The following DGKB variants were observed in gnomAD, a reference collection of about 807,000 sequenced individuals.
The protein encoded by DGKB is 90 kDa diacylglycerol kinase.
DGKB carries 67 observed loss-of-function variants against 114.3 expected under a neutral mutation model. That is an observed-to-expected ratio of 0.59 (90% confidence interval 0.48 to 0.72). The LOEUF (loss-of-function observed/expected upper bound fraction) is 0.72. Among genes scored for constraint, DGKB ranks in the 30% least tolerant of loss-of-function variants. The probability of loss-of-function intolerance (pLI) is 0.00; values close to 1 mark genes in which losing one functional copy is unlikely to be tolerated. For synonymous variants in DGKB, 398 were observed against 323.1 expected (o/e 1.23, Z -2.49); for missense variants, 907 against 975.2 (o/e 0.93, Z 0.93).
intron 14 of DGKB, among the ~76,000 whole-genome samples, chr7:14,623,857 T>A (rs1808091974): frequency 6.6e-6 from 1 of 152,186 alleles, no homozygotes; most frequent in African/African-American, 2.4e-5. Flanking sequence ...AGGTCTCGAA[T>A]CAGAATGCCT....
intron 4 of DGKB, among the ~76,000 whole-genome samples, chr7:14,739,186 T>C (rs1195714469): frequency 6.6e-6 from 1 of 152,050 alleles, no homozygotes; most frequent in African/African-American, 2.4e-5. Flanking sequence ...CACAGACAAA[T>C]GTCTAGGCAG....
intron 20 of DGKB, among the ~76,000 whole-genome samples, chr7:14,518,763 C>T (rs141653989): frequency 1.1e-3 from 170 of 152,026 alleles, no homozygotes; most frequent in Non-Finnish European, 2.1e-3. Flanking sequence ...AAGAATTGTT[C>T]CCAAGAACAG....
At chr7:14,153,067 T>C (rs999209779) in intron 25 of DGKB, among the ~76,000 whole-genome samples, 5 of 152,058 alleles carry the variant, frequency 3.3e-5, no homozygotes, top group Admixed American at 3.3e-4. Flanking sequence ...TAGCAAATAA[T>C]GTTTATTCCC....
intron 20 of DGKB, among the ~76,000 whole-genome samples, chr7:14,570,364 T>A (rs555442303): frequency 6.6e-6 from 1 of 151,974 alleles, no homozygotes; most frequent in South Asian, 2.1e-4. Flanking sequence ...TTTCTCTTTT[T>A]CAAACACCTT....
chr7:14,264,006 C>T (rs975329887), intron 23 of DGKB, among the ~76,000 whole-genome samples: 8 of 152,054 alleles, frequency 5.3e-5, no homozygotes, highest in African/African-American at 1.9e-4. Context: ...TAGGGAGAGC[C>T]TCTGTGGTTT....
intron 21 of DGKB, among the ~76,000 whole-genome samples, chr7:14,369,228 T>A (rs545199858): frequency 1.3e-5 from 2 of 152,162 alleles, no homozygotes; most frequent in African/African-American, 4.8e-5. Flanking sequence ...GCTTCATCCA[T>A]GTCCCTGCAA....
upstream of DGKB, among the ~76,000 whole-genome samples, chr7:14,903,950 ATC>A (rs1027854901): frequency 1.3e-5 from 2 of 152,098 alleles, no homozygotes; most frequent in East Asian, 1.9e-4. Flanking sequence ...ATGCATTAAC[ATC>A]TCTCTGTCAG....
chr7:14,357,027 A>T (rs980779957), intron 21 of DGKB, among the ~76,000 whole-genome samples: 2 of 152,178 alleles, frequency 1.3e-5, no homozygotes, highest in Non-Finnish European at 1.5e-5. Context: ...TATGTGGTCA[A>T]TTTTGGAATA....
intron 21 of DGKB, among the ~76,000 whole-genome samples, chr7:14,450,909 G>A (rs1460314536): frequency 6.6e-6 from 1 of 152,030 alleles, no homozygotes; most frequent in Non-Finnish European, 1.5e-5. Context: ...AGGACAAGTA[G>A]TTGGTGGGAT....
chr7:14,475,944 T>C (rs921022308), intron 21 of DGKB, among the ~76,000 whole-genome samples: 5 of 152,006 alleles, frequency 3.3e-5, no homozygotes, highest in African/African-American at 7.2e-5. Flanking sequence ...GAGAGGGTAA[T>C]AAATATTGGC....
chr7:14,221,620 C>G (rs1323336743), intron 23 of DGKB, among the ~76,000 whole-genome samples: 2 of 151,222 alleles, frequency 1.3e-5, no homozygotes, highest in Non-Finnish European at 3.0e-5. Flanking sequence ...AAATATTGGT[C>G]TGTTATATTC....
chr7:14,703,149 A>G (rs1825515860), intron 6 of DGKB, among the ~76,000 whole-genome samples: 1 of 152,228 alleles, frequency 6.6e-6, no homozygotes, highest in Non-Finnish European at 1.5e-5. Context: ...AGTGAAAAAT[A>G]TCTTTGTAAG....
intron 21 of DGKB, among the ~76,000 whole-genome samples, chr7:14,363,498 C>T (rs900326644): frequency 4.6e-5 from 7 of 151,954 alleles, no homozygotes; most frequent in Non-Finnish European, 8.8e-5. Flanking sequence ...ACTTTAAGTG[C>T]AAAGTCCCTG....
At chr7:14,310,677 A>G (rs6975654) in intron 23 of DGKB, among the ~76,000 whole-genome samples, 1,897 of 152,320 alleles carry the variant, frequency 0.012, 43 homozygotes, top group African/African-American at 0.043. Context: ...GATAAAGTAG[A>G]TAACAGATCT....
intron 23 of DGKB, among the ~76,000 whole-genome samples, chr7:14,195,841 C>T (rs1258188709): frequency 6.6e-6 from 1 of 152,062 alleles, no homozygotes; most frequent in Non-Finnish European, 1.5e-5. Context: ...ATCCAATTTA[C>T]CCTGGTTGCA....
intron 12 of DGKB, among the ~76,000 whole-genome samples, chr7:14,676,816 T>C (rs1441263218): frequency 6.6e-6 from 1 of 151,938 alleles, no homozygotes; most frequent in African/African-American, 2.4e-5. Context: ...GCTGCCTCTT[T>C]AGTAAAATAA....
intron 23 of DGKB, among the ~76,000 whole-genome samples, chr7:14,190,586 CA>C (rs1562574855): frequency 6.6e-6 from 1 of 151,566 alleles, no homozygotes; most frequent in East Asian, 1.9e-4. Context: ...AACAAAAATT[CA>C]AAAGATCAAC....
In DGKB at chr7:14,510,648, C is replaced by T. The variant is rs75965552; in HGVS notation, c.1771-32423G>A. On this transcript the variant is annotated intron_variant, in intron 20 of 25. Coordinates refer to ENST00000402815, the MANE Select transcript of DGKB (RefSeq NM_001350709.2). ...ACCTCCTCCCAAGAATCATAAATGT[C>T]CTTAATAGCATCTAGAATGGCAAAT... Among the ~76,000 whole-genome samples the T allele has an allele frequency of 3.3e-4, 51 of 152,248 alleles. 2 individuals are homozygous for T. In the South Asian group the frequency reaches 4.1e-3, roughly 12 times the overall value.
intron 1 of DGKB, among the ~76,000 whole-genome samples, chr7:14,852,192 AAAG>A (rs2128160714): frequency 6.6e-6 from 1 of 152,228 alleles, no homozygotes; most frequent in Non-Finnish European, 1.5e-5. Context: ...ACATATGCTG[AAAG>A]AAGTATATGT....
Sources: allele counts gnomAD v4.1 joint callset (sites outside exome capture counted in the v4.1 genomes callset), GRCh38; gene constraint gnomAD v4.1.1; transcripts MANE v1.5; gene names NCBI Gene and HGNC (gene_info 2026-07-23, HGNC 2026-07-21).